SLC45A3: variants seen among roughly 807,000 people sequenced by gnomAD.
SLC45A3 encodes prostate cancer associated protein 2.
Under a neutral mutation model 35.3 loss-of-function variants are expected in SLC45A3, and 17 were observed. The ratio of observed to expected loss-of-function variants is 0.48; its 90% CI spans 0.33 to 0.72. SLC45A3 has a LOEUF of 0.72. Ranked by LOEUF, SLC45A3 falls within the 30% of genes least tolerant of loss-of-function variation. SLC45A3 has a pLI of 0.02. For synonymous variants in SLC45A3, 288 were observed against 334.3 expected, an observed-to-expected ratio of 0.86 and a Z score of 1.51; for missense variants, 597 against 731.7, an observed-to-expected ratio of 0.82 and a Z score of 2.12.
At chr1:205,660,161 C>A (rs1437441842) in intron 4 of SLC45A3, among the ~76,000 whole-genome samples, 1 of 152,108 alleles carries the variant, frequency 6.6e-6, no homozygotes, top group African/African-American at 2.4e-5. Context: ...TGCAGAGAAG[C>A]TCTGCCTCTC....
chr1:205,666,493 G>A lies in SLC45A3; in HGVS notation c.-230-1607C>T, dbSNP rs760907183. Among the ~76,000 whole-genome samples the A allele has an allele frequency of 6.6e-6, 1 of 152,142 alleles. No individual in the cohort carries two copies. The highest frequency in any genetic ancestry group is 1.5e-5 in the Non-Finnish European group (1 of 68,026). ...ACTGCCTCCAGTCTGGGTGACAGAG[G>A]GAGACACTGCCTAAAAAAACATCAG... On this transcript the variant is annotated intron_variant, in intron 1 of 4. Transcript: ENST00000367145. This position sits in a 1 kb window ranked among gnomAD's most constrained non-coding sequence, Gnocchi z 4.1.
chr1:205,664,256 G>T lies in SLC45A3; in HGVS notation c.172+229C>A, dbSNP rs1671078940. Among the ~76,000 whole-genome samples the T allele has an allele frequency of 6.6e-6, 1 of 152,186 alleles. No homozygotes were observed. The highest frequency in any genetic ancestry group is 6.5e-5 in the Admixed American group (1 of 15,278). ...AGCATTTCTCCAGTGTCTCCTATGA[G>T]CCAGGCTCTGTGCAGGACCAGGGAT... On this transcript the variant is annotated intron_variant, in intron 2 of 4. Coordinates refer to ENST00000367145, the MANE Select transcript of SLC45A3 (RefSeq NM_033102.3). The surrounding 1 kb of genome is among the most constrained non-coding windows in gnomAD (Gnocchi z 5.3).
At position 205,664,825 on chromosome 1, in the gene SLC45A3, C is replaced by T; in HGVS notation, c.-169G>A. On this transcript the variant is annotated 5_prime_UTR_variant, in exon 2 of 5. Transcript: ENST00000367145. The surrounding 1 kb of genome is among the most constrained non-coding windows in gnomAD (Gnocchi z 5.3). Reference sequence around the variant, plus strand: ...CTTTGGTGCCGGTCCAGCTTCTCAGCCCATGCTCAACACCTGCTGCTGTGG... The same window carrying T: ...CTTTGGTGCCGGTCCAGCTTCTCAGTCCATGCTCAACACCTGCTGCTGTGG... 7.0e-7 allele frequency: 1 copy of T among 1,431,240 alleles called. No homozygotes were observed. The highest frequency in any genetic ancestry group is 9.1e-7 in the Non-Finnish European group (1 of 1,097,286). The allele number at this position is 1,431,240 out of a possible 1,614,324, so 88.7% of individuals were successfully genotyped here.
Position 205,663,067 on chromosome 1 carries a change from A to G in SLC45A3, c.724T>C (p.Cys242Arg). Residue 242 changes from cysteine to arginine, a missense_variant, in exon 3 of 5, where the codon TGT (cysteine) becomes CGT (arginine). By Grantham distance (180) the Cys-to-Arg change is radical. This residue lies in a region of SLC45A3 where 555 missense variants were observed against 664.9 expected (regional missense o/e 0.83). Coordinates refer to ENST00000367145, the MANE Select transcript of SLC45A3 (RefSeq NM_033102.3). ...AAAGCCAAGCGGGCCCGGCATGGAC[A>G]GCAGTGGGGCGACAAGGAGGGGGCC... ...LSAPSLSPHC[C>R]PCRARLAFRN... The G allele has an allele frequency of 6.2e-7, 1 of 1,605,944 alleles. No homozygotes were observed. The highest frequency in any genetic ancestry group is 8.5e-7 in the Non-Finnish European group (1 of 1,175,054).
At position 205,671,596 on chromosome 1, in the gene SLC45A3, C is replaced by T. The variant is rs149302187; in HGVS notation, c.-230-6710G>A. On this transcript the variant is annotated intron_variant, in intron 1 of 4. Coordinates refer to ENST00000367145, the MANE Select transcript of SLC45A3 (RefSeq NM_033102.3). ...ACAGCAGGCCGGGCACGGTGGCTCA[C>T]GCCTGTAATCCCAGCACTTTGGGAG... 7.6e-3 allele frequency among the ~76,000 whole-genome samples: 1,165 copies of T among 152,322 alleles called. 11 individuals are homozygous for T. Among genetic ancestry groups the T allele is most frequent in the South Asian group, 0.036 (172 of 4,826 alleles).
rs546430426 is a variant in SLC45A3, at chr1:205,670,871, T to C, written c.-230-5985A>G. Among the ~76,000 whole-genome samples, 59 of 151,952 alleles carry C rather than the reference T, an allele frequency of 3.9e-4. 3 individuals are homozygous for C. The South Asian group carries it at 0.012, about 31-fold the overall frequency. On this transcript the variant is annotated intron_variant, in intron 1 of 4. Coordinates refer to ENST00000367145, the MANE Select transcript of SLC45A3 (RefSeq NM_033102.3). ...GGGCAGCAAAGAGAATCCCAGGCCC[T>C]AGGGGGGCAGAGGGGGCACACCACA... is the stretch of plus-strand genomic sequence containing the variant.
At position 205,659,654 on chromosome 1, in the gene SLC45A3, G is replaced by A. The variant is rs1426367441; in HGVS notation, c.1242C>T (p.Tyr414=). 2 of 1,527,608 alleles carry A rather than the reference G, an allele frequency of 1.3e-6. No individual in the cohort carries two copies. Among genetic ancestry groups the A allele is most frequent in the Admixed American group, 2.2e-5 (1 of 45,718 alleles). The allele number at this position is 1,527,608 out of a possible 1,614,324, so 94.6% of individuals were successfully genotyped here. ...HREKQVFLPK[Y]RGDTGGASSE... is the part of the protein sequence containing the mutation. Reference sequence around the variant, plus strand: ...TGCTAGCACCTCCAGTGTCCCCTCGGTATTTGGGCAGGAACACCTAAGGCA... The same window carrying A: ...TGCTAGCACCTCCAGTGTCCCCTCGATATTTGGGCAGGAACACCTAAGGCA... The change falls in exon 5 of 5, where the codon TAC becomes TAT. Residue 414 remains tyrosine, a synonymous_variant. Coordinates refer to ENST00000367145, the MANE Select transcript of SLC45A3 (RefSeq NM_033102.3). This position sits in a 1 kb window ranked among gnomAD's most constrained non-coding sequence, Gnocchi z 5.8.
rs1292446969 is a variant in SLC45A3, at chr1:205,662,098, G to A, written c.987C>T (p.Phe329=). ...EGVRMGSLGL[F]LQCAISLVFS... is the part of the protein sequence containing the mutation. ...AGACCAGGGAGATGGCGCACTGCAG[G>A]AACAGCCCCAGGCTGCCCATCCGAA... is the stretch of plus-strand genomic sequence containing the variant. Residue 329 remains phenylalanine (F), a synonymous_variant, in exon 4 of 5, where the codon TTC becomes TTT. Transcript: ENST00000367145. This position sits in a 1 kb window ranked among gnomAD's most constrained non-coding sequence, Gnocchi z 6.2. 3.7e-6 allele frequency: 6 copies of A among 1,613,786 alleles called. No individual in the cohort carries two copies. In the Admixed American group the frequency reaches 5.0e-5, roughly 13 times the overall value.
At chr1:205,660,731 G>C (rs956150724) in intron 4 of SLC45A3, among the ~76,000 whole-genome samples, 1 of 152,102 alleles carries the variant, frequency 6.6e-6, no homozygotes, top group Non-Finnish European at 1.5e-5. Flanking sequence ...GCTAGCCCCA[G>C]AACGTTCCCT....
intron 1 of SLC45A3, among the ~76,000 whole-genome samples, chr1:205,675,421 G>A (rs894550149): frequency 1.3e-5 from 2 of 152,164 alleles, no homozygotes; most frequent in African/African-American, 4.8e-5. Flanking sequence ...AGATCAGACA[G>A]AAACTTTGCC....
In SLC45A3 at chr1:205,662,561, C is replaced by T; in HGVS notation, c.958+272G>A. ...AAATCCAGCCTTAACTCCTCCACTC[C>T]CTCTAGACTTTGAATAAGCTCCGCC... On this transcript the variant is annotated intron_variant, in intron 3 of 4. Coordinates refer to ENST00000367145, the MANE Select transcript of SLC45A3 (RefSeq NM_033102.3). This position sits in a 1 kb window ranked among gnomAD's most constrained non-coding sequence, Gnocchi z 6.2. 1 of 1,322,170 alleles carries T rather than the reference C, an allele frequency of 7.6e-7. No homozygotes were observed. Among genetic ancestry groups the T allele is most frequent in the Non-Finnish European group, 9.6e-7 (1 of 1,039,286 alleles). 81.9% of individuals were successfully genotyped at this position (1,322,170 alleles called of 1,614,324 possible).
chr1:205,662,511 C>T lies in SLC45A3; in HGVS notation c.958+322G>A, dbSNP rs1370189360. On this transcript the variant is annotated intron_variant, in intron 3 of 4. Coordinates refer to ENST00000367145, the MANE Select transcript of SLC45A3 (RefSeq NM_033102.3). The surrounding 1 kb of genome is among the most constrained non-coding windows in gnomAD (Gnocchi z 6.2). ...AGTCGTTGGGGGAGCAGAGGGCACACTGCGGCTGGAACCAGGCAGATCTGA... is the reference window on the plus strand; with the variant it reads ...AGTCGTTGGGGGAGCAGAGGGCACATTGCGGCTGGAACCAGGCAGATCTGA... 1.0e-5 allele frequency: 13 copies of T among 1,290,196 alleles called. No homozygotes were observed. Among genetic ancestry groups the T allele is most frequent in the Non-Finnish European group, 1.3e-5 (13 of 1,019,926 alleles). 79.9% of individuals were successfully genotyped at this position (1,290,196 alleles called of 1,614,324 possible). A position where few individuals can be genotyped will look rare whatever the true frequency, so the allele number is the denominator to read the frequency against.
Position 205,663,595 on chromosome 1 carries a change from C to T in SLC45A3, c.196G>A (p.Val66Ile). ...GCTGAGCCTAGGAGCGGGACACAGA[C>T]CAGGCCCAGCACTGGACCAATGCCT... Reference protein sequence around the residue: ...VLGIGPVLGLVCVPLLGSASD... With the variant: ...VLGIGPVLGLICVPLLGSASD... The change falls in exon 3 of 5, where the codon GTC becomes ATC. Residue 66 changes from valine (V) to isoleucine (I), a missense_variant. Coordinates refer to ENST00000367145, the MANE Select transcript of SLC45A3 (RefSeq NM_033102.3). 3.1e-6 allele frequency: 5 copies of T among 1,602,946 alleles called. No homozygotes were observed. Among genetic ancestry groups the T allele is most frequent in the Non-Finnish European group, 3.4e-6 (4 of 1,175,962 alleles).
intron 1 of SLC45A3, among the ~76,000 whole-genome samples, chr1:205,677,463 C>T (rs1408705232): frequency 6.6e-6 from 1 of 152,196 alleles, no homozygotes; most frequent in Non-Finnish European, 1.5e-5. Context: ...CAGAGCTTTA[C>T]CTACATCAGC....
chr1:205,663,470 G>T lies in SLC45A3; in HGVS notation c.321C>A (p.Gly107=). 1 of 1,613,024 alleles carries T rather than the reference G, an allele frequency of 6.2e-7. No individual in the cohort carries two copies. The highest frequency in any genetic ancestry group is 8.5e-7 in the Non-Finnish European group (1 of 1,179,880). Residue 107 remains glycine (G), a synonymous_variant, in exon 3 of 5, where the codon GGC becomes GGA. Transcript: ENST00000367145. Reference sequence around the variant, plus strand: ...CCGGGCACAGCAGCCCTGCTAGCCAGCCGGCCCTTGGGATGAGAAAGAGGC... The same window carrying T: ...CCGGGCACAGCAGCCCTGCTAGCCATCCGGCCCTTGGGATGAGAAAGAGGC... ...LLSLFLIPRA[G]WLAGLLCPDP...
intron 1 of SLC45A3, among the ~76,000 whole-genome samples, chr1:205,676,566 T>C (rs566863807): frequency 1.3e-5 from 2 of 152,266 alleles, no homozygotes; most frequent in East Asian, 3.9e-4. Context: ...CTCATCTCCA[T>C]TTTACAGGCA....
chr1:205,663,730 G>A, intron 2 of SLC45A3, 112 bp from the exon 3 acceptor site: 1 of 1,090,456 alleles, frequency 9.2e-7, no homozygotes, highest in Non-Finnish European at 1.3e-6. Flanking sequence ...TCGACACTGT[G>A]CTACGTCTTC....
intron 1 of SLC45A3, among the ~76,000 whole-genome samples, chr1:205,672,715 C>A (rs1671237580): frequency 6.6e-6 from 1 of 152,148 alleles, no homozygotes; most frequent in African/African-American, 2.4e-5. Flanking sequence ...CCTGTTTCAG[C>A]CACTTTTTTT....
intron 1 of SLC45A3, among the ~76,000 whole-genome samples, chr1:205,670,977 G>A (rs1279253164): frequency 6.6e-6 from 1 of 152,238 alleles, no homozygotes; most frequent in Admixed American, 6.5e-5. Context: ...GTGGCGCGGT[G>A]GAGAGTGGCT....
Sources: allele counts gnomAD v4.1 joint callset (sites outside exome capture counted in the v4.1 genomes callset), GRCh38; gene constraint gnomAD v4.1.1; regional missense constraint gnomAD v4.1.1; non-coding constraint Gnocchi (gnomAD v3.1); transcripts MANE v1.5; gene names NCBI Gene and HGNC (gene_info 2026-07-23, HGNC 2026-07-21).